RBFOX2: variants seen among roughly 807,000 people sequenced by gnomAD.
RBFOX2 encodes the protein RNA binding fox-1 homolog 2, also known as RNA binding protein fox-1 homolog 2.
Under a neutral mutation model 49.1 loss-of-function variants are expected in RBFOX2, and 10 were observed. The ratio of observed to expected loss-of-function variants is 0.20; its 90% CI spans 0.13 to 0.35. The LOEUF is 0.35. RBFOX2 is among the 10% of genes least tolerant of loss of function. The pLI is 1.00. For synonymous variants in RBFOX2, 183 were observed against 187.4 expected (o/e 0.98, Z 0.19); for missense variants, 323 against 486.9 (o/e 0.66, Z 3.17).
At chr22:35,909,353 G>A (rs2049502207) in intron 1 of RBFOX2, among the ~76,000 whole-genome samples, 1 of 152,048 alleles carries the variant, frequency 6.6e-6, no homozygotes, top group Admixed American at 6.6e-5. Context: ...CTTCTTTAAA[G>A]TATGGGTGGA....
rs200137291 is a variant in RBFOX2, at chr22:35,781,666, C to T, written c.333G>A (p.Pro111=). 244 of 1,614,148 alleles carry T rather than the reference C, an allele frequency of 1.5e-4. 1 individual carries two copies. The Middle Eastern group carries it at 2.5e-3, about 16-fold the overall frequency. Reference sequence around the variant, plus strand: ...GAATATTAGAGACATGCAGCCGTTTCGGGGTAGATTTACTCTCTGAATTTT... The same window carrying T: ...GAATATTAGAGACATGCAGCCGTTTTGGGGTAGATTTACTCTCTGAATTTT... Residue 111 remains proline, a synonymous_variant, in exon 3 of 12, where the codon CCG becomes CCA. Coordinates refer to ENST00000405409, the Ensembl canonical transcript of RBFOX2.
intron 1 of RBFOX2, among the ~76,000 whole-genome samples, chr22:35,968,879 C>T (rs759391260): frequency 2.0e-5 from 3 of 152,168 alleles, no homozygotes; most frequent in Non-Finnish European, 2.9e-5. Flanking sequence ...TATCTTGTTG[C>T]TTCACCCCAT....
exon 1 of RBFOX2, chr22:36,028,411 G>A (rs2059534514): frequency 1.6e-6 from 2 of 1,231,638 alleles, no homozygotes; most frequent in Non-Finnish European, 1.0e-6. Flanking sequence ...GATGCGGCTG[G>A]GCGCCCTCCG....
chr22:35,916,786 G>A (rs1487973765), intron 1 of RBFOX2, among the ~76,000 whole-genome samples: 1 of 151,854 alleles, frequency 6.6e-6, no homozygotes, highest in Non-Finnish European at 1.5e-5. Flanking sequence ...CCCAGCTACT[G>A]GGGAAGCTGA....
intron 1 of RBFOX2, among the ~76,000 whole-genome samples, chr22:35,846,020 T>C (rs1392631324): frequency 1.3e-5 from 2 of 150,988 alleles, no homozygotes; most frequent in African/African-American, 2.4e-5. Flanking sequence ...TTAATATAAT[T>C]ATATAAACTA....
intron 2 of RBFOX2, among the ~76,000 whole-genome samples, chr22:35,786,296 G>T (rs544890388): frequency 1.3e-5 from 2 of 152,214 alleles, no homozygotes; most frequent in South Asian, 2.1e-4. Flanking sequence ...GTGAACACCC[G>T]TCCCCCTTGT....
intron 1 of RBFOX2, among the ~76,000 whole-genome samples, chr22:35,935,928 A>G (rs2053005573): frequency 6.6e-6 from 1 of 152,192 alleles, no homozygotes; most frequent in East Asian, 1.9e-4. Context: ...AGATGAGAAA[A>G]TACAATGAAA....
At chr22:36,016,144 T>C (rs1382787275) in intron 1 of RBFOX2, among the ~76,000 whole-genome samples, 2 of 152,056 alleles carry the variant, frequency 1.3e-5, no homozygotes, top group Middle Eastern at 3.2e-3. Context: ...TCACTCTGGC[T>C]GGCAACAATT....
At chr22:35,844,742 G>A (rs1044217914), upstream of RBFOX2, among the ~76,000 whole-genome samples, 2 of 151,456 alleles carry the variant, frequency 1.3e-5, no homozygotes, top group Admixed American at 6.6e-5. Context: ...CTGACCTCAG[G>A]TGATCCAACC....
chr22:35,827,180 T>G (rs970662296), intron 1 of RBFOX2, among the ~76,000 whole-genome samples: 1 of 152,246 alleles, frequency 6.6e-6, no homozygotes. Flanking sequence ...TATTGCTTAT[T>G]GAGGTTTTCT....
rs573068562 is a variant in RBFOX2 at position 35,892,587 on chromosome 22, C to T, written c.-34+46260G>A. On this transcript the variant is annotated intron_variant, in intron 1 of 13. Coordinates refer to the RBFOX2 transcript ENST00000359369. ...CAATTCAGAGGTACTGACAACTGAA[C>T]ATAGTCCAGTAATTTTTCTAGAATA... Among the ~76,000 whole-genome samples the T allele has an allele frequency of 2.0e-5, 3 of 152,292 alleles. 1 individual carries two copies. The South Asian group carries it at 6.2e-4, about 32-fold the overall frequency.
chr22:36,025,569 A>C (rs1387004371), intron 1 of RBFOX2, among the ~76,000 whole-genome samples: 1 of 152,208 alleles, frequency 6.6e-6, no homozygotes, highest in Admixed American at 6.5e-5. Context: ...GCAGCTGCTT[A>C]ATAAATGTTA....
chr22:35,916,183 A>G (rs143980417), intron 1 of RBFOX2, among the ~76,000 whole-genome samples: 141 of 152,276 alleles, frequency 9.3e-4, no homozygotes, highest in African/African-American at 3.1e-3. Context: ...CTGTTCTACC[A>G]CTTTCCAGCT....
rs956210514 is a variant in RBFOX2 at position 35,749,194 on chromosome 22, T to C, written c.888-2633A>G. ...CAAGTCTGACTTTGAAGTTTAAACA[T>C]GATGAAGTTCTCTGCTTTTCAAGTG... On this transcript the variant is annotated intron_variant, in intron 9 of 11. Transcript: ENST00000405409. This position sits in a 1 kb window ranked among gnomAD's most constrained non-coding sequence, Gnocchi z 4.1. Among the ~76,000 whole-genome samples, 1 of 152,184 alleles carries C rather than the reference T, an allele frequency of 6.6e-6. No individual in the cohort carries two copies. The highest frequency in any genetic ancestry group is 2.1e-4 in the South Asian group (1 of 4,830).
chr22:35,985,902 G>GGATAGATAGATA (rs3075246), intron 1 of RBFOX2, among the ~76,000 whole-genome samples: 6 of 143,966 alleles, frequency 4.2e-5, no homozygotes, highest in East Asian at 2.1e-4. Flanking sequence ...ATAGATAGAT[G>GGATAGATAGATA]GATAGATAGA....
At position 35,764,347 on chromosome 22, in the gene RBFOX2, G is replaced by A. The variant is rs547540785; in HGVS notation, c.607+1076C>T. 8.5e-5 allele frequency among the ~76,000 whole-genome samples: 13 copies of A among 152,242 alleles called. No individual in the cohort carries two copies. The South Asian group carries it at 2.5e-3, about 29-fold the overall frequency. The stretch of plus-strand genomic sequence containing the variant: ...CGCCTGTAATCCCAGCACTTTGGGA[G>A]GCCACGGTGGGCGGATCACGAGGTC... On this transcript the variant is annotated intron_variant, in intron 6 of 11. Transcript: ENST00000405409.
At chr22:35,753,788 T>TC (rs1178346948) in intron 9 of RBFOX2, among the ~76,000 whole-genome samples, 1 of 138,104 alleles carries the variant, frequency 7.2e-6, no homozygotes, top group Non-Finnish European at 1.6e-5. Context: ...TTTTTTTTTT[T>TC]TTTTTTTTTT....
At chr22:35,939,102 C>T (rs1201763294), upstream of RBFOX2, 1 of 698,738 alleles carries the variant, frequency 1.4e-6, no homozygotes, top group Non-Finnish European at 2.6e-6. Flanking sequence ...TGCTTAGGAG[C>T]ACTATTCATA....
intron 11 of RBFOX2, 138 bp from the exon 14 acceptor site, chr22:35,744,387 A>C (rs1408681469): frequency 9.0e-6 from 7 of 777,570 alleles, no homozygotes; most frequent in East Asian, 3.0e-5. Flanking sequence ...TGCCTTGTGC[A>C]GTGAAGTCAG....
Sources: allele counts gnomAD v4.1 joint callset (sites outside exome capture counted in the v4.1 genomes callset), GRCh38; gene constraint gnomAD v4.1.1; non-coding constraint Gnocchi (gnomAD v3.1); transcripts MANE v1.5; gene names NCBI Gene and HGNC (gene_info 2026-07-23, HGNC 2026-07-21).